Variants in FHIT observed in about 807,000 individuals in gnomAD.
FHIT encodes the protein bis(5'-adenosyl)-triphosphatase.
In FHIT, 19 loss-of-function variants were observed where a neutral mutation model predicts 17.9. That is an observed-to-expected ratio of 1.06 (90% CI 0.74 to 1.56). The LOEUF (loss-of-function observed/expected upper bound fraction) is 1.56, where lower values mean the gene tolerates loss of function less well. Ranked by LOEUF, FHIT falls within the 40% of genes most tolerant of loss-of-function variation. The pLI is 0.00. For missense variants in FHIT, 248 were observed against 189.2 expected, an observed-to-expected ratio of 1.31 and a Z score of -1.82; for synonymous variants, 81 against 69.7, an observed-to-expected ratio of 1.16 and a Z score of -0.81.
intron 3 of FHIT, among the ~76,000 whole-genome samples, chr3:60,853,134 G>A (rs1032932375): frequency 6.6e-6 from 1 of 151,948 alleles, no homozygotes; most frequent in Non-Finnish European, 1.5e-5. Flanking sequence ...GTTTTCCAGA[G>A]TTTTCCACAA....
chr3:61,104,946 A>G (rs888640305), intron 2 of FHIT, among the ~76,000 whole-genome samples: 8 of 151,896 alleles, frequency 5.3e-5, no homozygotes, highest in African/African-American at 1.5e-4. Context: ...TATATTGACT[A>G]TTTTTTCTGT....
chr3:59,978,775 T>C (rs535431212), intron 7 of FHIT, among the ~76,000 whole-genome samples: 21 of 151,488 alleles, frequency 1.4e-4, no homozygotes, highest in African/African-American at 3.6e-4. Context: ...AGAAACCTAT[T>C]TGAGAAGCTT....
intron 4 of FHIT, among the ~76,000 whole-genome samples, chr3:60,645,761 C>T (rs1286327997): frequency 2.0e-5 from 3 of 152,072 alleles, no homozygotes; most frequent in East Asian, 3.9e-4. Flanking sequence ...TTTTACTATA[C>T]GGTTTCTATA....
intron 4 of FHIT, among the ~76,000 whole-genome samples, chr3:60,624,800 T>TCTG (rs143921891): frequency 0.012 from 1,893 of 152,304 alleles, 36 homozygotes; most frequent in African/African-American, 0.042. Flanking sequence ...CATGTATCAG[T>TCTG]ACTTCATTCC....
chr3:59,979,346 T>C (rs1708549678), intron 7 of FHIT, among the ~76,000 whole-genome samples: 1 of 152,156 alleles, frequency 6.6e-6, no homozygotes. Context: ...TAACTCAGCA[T>C]TGCCCTCATT....
intron 2 of FHIT, among the ~76,000 whole-genome samples, chr3:61,102,224 G>A (rs182361823): frequency 3.3e-4 from 50 of 152,218 alleles, no homozygotes; most frequent in South Asian, 6.2e-4. Context: ...TTTGAGATAC[G>A]TTCCATTAAT....
At chr3:60,101,384 A>G (rs904288130) in intron 5 of FHIT, among the ~76,000 whole-genome samples, 2 of 152,070 alleles carry the variant, frequency 1.3e-5, no homozygotes, top group Admixed American at 1.3e-4. Context: ...TGCTCCTTTG[A>G]CCTGGAGCTC....
chr3:60,027,021 C>A (rs577654640), intron 5 of FHIT, among the ~76,000 whole-genome samples: 2 of 151,754 alleles, frequency 1.3e-5, no homozygotes, highest in Non-Finnish European at 2.9e-5. Flanking sequence ...ATTTCTTGAA[C>A]CCAGGAAGCA....
intron 5 of FHIT, among the ~76,000 whole-genome samples, chr3:60,407,314 T>C (rs993540861): frequency 5.9e-5 from 9 of 152,128 alleles, no homozygotes; most frequent in Admixed American, 2.6e-4. Context: ...CAATTACAGA[T>C]GCCTAGTAGG....
chr3:60,157,257 G>A (rs919998327), intron 5 of FHIT, among the ~76,000 whole-genome samples: 1 of 152,122 alleles, frequency 6.6e-6, no homozygotes. Context: ...TGAATGATCG[G>A]TTATGTCGGC....
intron 7 of FHIT, among the ~76,000 whole-genome samples, chr3:59,949,700 T>G (rs55649496): frequency 0.11 from 16,125 of 152,264 alleles, 991 homozygotes; most frequent in Admixed American, 0.15. Context: ...AACCTGGGGC[T>G]CACATTTGGC....
At chr3:60,933,569 G>C (rs529893739) in intron 3 of FHIT, among the ~76,000 whole-genome samples, 1 of 152,154 alleles carries the variant, frequency 6.6e-6, no homozygotes, top group Non-Finnish European at 1.5e-5. Flanking sequence ...CCTCAAAAGC[G>C]GGTGTGTAGA....
chr3:60,402,486 A>G (rs1411245038), intron 5 of FHIT, among the ~76,000 whole-genome samples: 1 of 152,206 alleles, frequency 6.6e-6, no homozygotes, highest in Non-Finnish European at 1.5e-5. Context: ...AGTGTCCTTT[A>G]AAGAGTACAC....
intron 5 of FHIT, among the ~76,000 whole-genome samples, chr3:60,513,512 T>C (rs185003033): frequency 6.6e-6 from 1 of 152,326 alleles, no homozygotes; most frequent in East Asian, 1.9e-4. Flanking sequence ...GGCAAATATT[T>C]TTCAGTTAAG....
intron 5 of FHIT, among the ~76,000 whole-genome samples, chr3:60,257,687 A>G (rs1706072523): frequency 6.6e-6 from 1 of 152,198 alleles, no homozygotes; most frequent in African/African-American, 2.4e-5. Context: ...TTGATGTCTC[A>G]TGCTTTAGCT....
intron 5 of FHIT, among the ~76,000 whole-genome samples, chr3:60,258,605 A>G (rs1053403827): frequency 6.6e-6 from 1 of 152,146 alleles, no homozygotes; most frequent in Non-Finnish European, 1.5e-5. Context: ...CTCACTCACC[A>G]CTAAGTTCAT....
chr3:60,421,030 C>CT lies in FHIT; in HGVS notation c.103+115829dup, dbSNP rs33921357. ...TAAAGAACTAAGATTTCTCCCACTA[C>CT]TTTTTTTTTTTTTTTTTCTAAAGAG... On this transcript the variant is annotated intron_variant, in intron 5 of 9. Transcript: ENST00000492590. Among the ~76,000 whole-genome samples the CT allele has an allele frequency of 7.3e-3, 1,013 of 138,336 alleles. 5 individuals carry two copies. Among genetic ancestry groups the CT allele is most frequent in the East Asian group, 0.042 (203 of 4,820 alleles). The allele number at this position is 138,336 out of a possible 152,430, so 90.8% of individuals were successfully genotyped here.
intron 5 of FHIT, among the ~76,000 whole-genome samples, chr3:60,163,723 C>A (rs1027411195): frequency 1.3e-5 from 2 of 152,160 alleles, no homozygotes; most frequent in Admixed American, 1.3e-4. Flanking sequence ...GGGGTCTGCA[C>A]CGAGCATCAT....
intron 4 of FHIT, among the ~76,000 whole-genome samples, chr3:60,761,061 C>G (rs1325603579): frequency 6.6e-6 from 1 of 152,076 alleles, no homozygotes; most frequent in Non-Finnish European, 1.5e-5. Context: ...AGCCCAGCTC[C>G]TAGATATAAC....
Sources: gnomAD v4.1 joint callset for allele counts (sites outside exome capture counted in the v4.1 genomes callset) on GRCh38, gnomAD v4.1.1 for gene constraint, MANE v1.5 for transcripts, NCBI Gene and HGNC (gene_info 2026-07-23, HGNC 2026-07-21) for gene names.